Variants in CNTNAP5 observed in about 807,000 individuals in gnomAD.
CNTNAP5 encodes contactin associated protein family member 5.
Under a neutral mutation model 150.2 loss-of-function variants are expected in CNTNAP5, and 72 were observed. The ratio of observed to expected loss-of-function variants is 0.48; its 90% CI spans 0.40 to 0.58. CNTNAP5 has a LOEUF of 0.58. Among genes scored for constraint, CNTNAP5 ranks in the 20% least tolerant of loss-of-function variants. CNTNAP5 has a pLI of 0.00. For missense variants in CNTNAP5, 1,636 were observed against 1,626.2 expected (o/e 1.01, Z -0.10); for synonymous variants, 672 against 619.8 (o/e 1.08, Z -1.25).
chr2:124,032,994 G>C (rs1213971), intron 1 of CNTNAP5, among the ~76,000 whole-genome samples: 16,724 of 152,236 alleles, frequency 0.11, 1,107 homozygotes, highest in Non-Finnish European at 0.15. Flanking sequence ...CTCTGACAGG[G>C]GGATAAACCA....
intron 1 of CNTNAP5, among the ~76,000 whole-genome samples, chr2:124,152,863 AAAAG>A (rs552527115): frequency 1.3e-4 from 20 of 152,290 alleles, no homozygotes; most frequent in Admixed American, 9.8e-4. Context: ...GTTTCCTATT[AAAAG>A]AAAGTTGTAA....
intron 17 of CNTNAP5, 81 bp downstream of exon 17, chr2:124,773,098 T>C (rs1681242269): frequency 9.6e-7 from 1 of 1,038,040 alleles, no homozygotes; most frequent in Admixed American, 1.8e-5. Context: ...AATTCTCTTT[T>C]ATCTGAGATC....
chr2:124,064,049 A>C (rs1044669424), intron 1 of CNTNAP5, among the ~76,000 whole-genome samples: 3 of 152,166 alleles, frequency 2.0e-5, no homozygotes, highest in Non-Finnish European at 4.4e-5. Context: ...ACTTAGGATG[A>C]AGCCGTTGTT....
chr2:124,225,552 A>G (rs1295041574), intron 2 of CNTNAP5, among the ~76,000 whole-genome samples: 1 of 152,166 alleles, frequency 6.6e-6, no homozygotes, highest in Non-Finnish European at 1.5e-5. Context: ...TTTGATAGGT[A>G]TGCATTTTGA....
intron 11 of CNTNAP5, among the ~76,000 whole-genome samples, chr2:124,606,230 T>C (rs1697104008): frequency 6.6e-6 from 1 of 152,164 alleles, no homozygotes; most frequent in Non-Finnish European, 1.5e-5. Flanking sequence ...ATAGTAATCA[T>C]TGATGTAGCT....
chr2:124,597,200 G>A (rs1490791794), intron 11 of CNTNAP5, among the ~76,000 whole-genome samples: 1 of 148,244 alleles, frequency 6.7e-6, no homozygotes, highest in Non-Finnish European at 1.5e-5. Flanking sequence ...GTTAGCTGGT[G>A]ATTTTGCTCG....
At chr2:124,056,184 A>T (rs936319309) in intron 1 of CNTNAP5, among the ~76,000 whole-genome samples, 13 of 152,188 alleles carry the variant, frequency 8.5e-5, no homozygotes, top group African/African-American at 3.1e-4. Context: ...ATTGGATACA[A>T]GTTCGCTGAT....
rs540264291 is a variant in CNTNAP5 at position 124,858,968 on chromosome 2, G to A, written c.3218-6338G>A. ...ACCATGAAAACCCTAGAAGAAAACC[G>A]AGGCAATACCATTCAGGACATAGGC... On this transcript the variant is annotated intron_variant, in intron 19 of 23. Coordinates refer to ENST00000682447, the MANE Select transcript of CNTNAP5 (RefSeq NM_001367498.1). Among the ~76,000 whole-genome samples the A allele has an allele frequency of 3.9e-4, 59 of 151,962 alleles. 1 individual carries two copies. The South Asian group carries it at 0.012, about 31-fold the overall frequency.
chr2:124,620,928 C>G (rs546458158), intron 12 of CNTNAP5, among the ~76,000 whole-genome samples: 1 of 152,228 alleles, frequency 6.6e-6, no homozygotes, highest in African/African-American at 2.4e-5. Flanking sequence ...TGAAAGATAG[C>G]TATCACCTTT....
At chr2:124,526,548 C>T (rs574808801) in intron 9 of CNTNAP5, among the ~76,000 whole-genome samples, 1 of 152,298 alleles carries the variant, frequency 6.6e-6, no homozygotes, top group African/African-American at 2.4e-5. Context: ...CACTCATATA[C>T]CTGCAAGGCT....
chr2:124,791,573 T>G (rs1681729163), intron 18 of CNTNAP5, among the ~76,000 whole-genome samples: 2 of 152,122 alleles, frequency 1.3e-5, no homozygotes, highest in Admixed American at 1.3e-4. Context: ...AGCATTCTTC[T>G]CAGCATCTCT....
At chr2:124,740,777 C>T (rs1040666607) in intron 13 of CNTNAP5, among the ~76,000 whole-genome samples, 1 of 152,308 alleles carries the variant, frequency 6.6e-6, no homozygotes, top group East Asian at 1.9e-4. Context: ...CTCATCTGTG[C>T]ATCCACTGGG....
intron 13 of CNTNAP5, among the ~76,000 whole-genome samples, chr2:124,648,719 A>T (rs376535018): frequency 6.6e-6 from 1 of 152,216 alleles, no homozygotes; most frequent in Non-Finnish European, 1.5e-5. Flanking sequence ...AAAATGTAAG[A>T]TAGGGTTCAT....
intron 4 of CNTNAP5, among the ~76,000 whole-genome samples, chr2:124,423,868 G>C (rs11685724): frequency 0.16 from 21,106 of 134,188 alleles, 1,629 homozygotes; most frequent in Non-Finnish European, 0.2. Context: ...GTTTCACCGT[G>C]TTAGCCAGGA....
At chr2:124,182,566 G>A (rs537290153) in intron 1 of CNTNAP5, among the ~76,000 whole-genome samples, 28 of 152,128 alleles carry the variant, frequency 1.8e-4, no homozygotes, top group African/African-American at 4.8e-4. Flanking sequence ...TGACAAATCC[G>A]GTGAAAATTA....
intron 13 of CNTNAP5, among the ~76,000 whole-genome samples, chr2:124,673,599 A>G (rs915012720): frequency 4.6e-5 from 7 of 152,102 alleles, no homozygotes; most frequent in Non-Finnish European, 8.8e-5. Context: ...CTACCAGGAC[A>G]ATAAAAGTGG....
intron 13 of CNTNAP5, among the ~76,000 whole-genome samples, chr2:124,674,571 C>A (rs1392304702): frequency 7.2e-6 from 1 of 138,818 alleles, no homozygotes; most frequent in Non-Finnish European, 1.5e-5. Context: ...TCCTTTCTTT[C>A]TTTCTTTTCA....
chr2:124,307,032 T>G (rs1285451035), intron 3 of CNTNAP5, among the ~76,000 whole-genome samples: 1 of 152,052 alleles, frequency 6.6e-6, no homozygotes, highest in African/African-American at 2.4e-5. Context: ...CCAGCCTGGT[T>G]TCCCATCTAA....
At chr2:124,118,929 A>G (rs753483841) in intron 1 of CNTNAP5, among the ~76,000 whole-genome samples, 44 of 152,190 alleles carry the variant, frequency 2.9e-4, no homozygotes, top group Non-Finnish European at 7.3e-5. Flanking sequence ...TCTTTCATGT[A>G]TACAATGCTG....
Sources: gnomAD v4.1 joint callset for allele counts (sites outside exome capture counted in the v4.1 genomes callset) on GRCh38, gnomAD v4.1.1 for gene constraint, MANE v1.5 for transcripts, NCBI Gene and HGNC (gene_info 2026-07-23, HGNC 2026-07-21) for gene names.